The following POU6F2 variants were observed in gnomAD, a reference collection of about 807,000 sequenced individuals.
POU6F2 encodes POU domain, class 6, transcription factor 2.
Under a neutral mutation model 71.3 loss-of-function variants are expected in POU6F2, and 31 were observed. That is an observed-to-expected ratio of 0.43 (90% CI 0.33 to 0.59). The LOEUF (loss-of-function observed/expected upper bound fraction) is 0.59. Ranked by LOEUF, POU6F2 falls within the 20% of genes least tolerant of loss-of-function variation. POU6F2 has a pLI of 0.04. For missense variants in POU6F2, 783 were observed against 856.8 expected (o/e 0.91, Z 1.07); for synonymous variants, 347 against 355.7 (o/e 0.98, Z 0.27).
intron 1 of POU6F2, among the ~76,000 whole-genome samples, chr7:39,065,468 G>T (rs982115926): frequency 6.6e-6 from 1 of 151,472 alleles, no homozygotes; most frequent in Non-Finnish European, 1.5e-5. Flanking sequence ...AAGACATTGG[G>T]TAGAAAGATA....
At chr7:39,415,754 A>G (rs932108107) in intron 6 of POU6F2, among the ~76,000 whole-genome samples, 6 of 152,226 alleles carry the variant, frequency 3.9e-5, no homozygotes, top group Non-Finnish European at 7.3e-5. Context: ...TCTCCCATGC[A>G]TTAAGCCTTC....
intron 1 of POU6F2, among the ~76,000 whole-genome samples, chr7:39,016,048 T>C (rs370979932): frequency 2.0e-5 from 1 of 49,078 alleles, no homozygotes; most frequent in Non-Finnish European, 3.9e-5. Context: ...TATTATATAT[T>C]ATATATATTA....
At chr7:38,992,675 C>G (rs141954692) in intron 1 of POU6F2, among the ~76,000 whole-genome samples, 274 of 151,814 alleles carry the variant, frequency 1.8e-3, no homozygotes, top group African/African-American at 6.4e-3. Context: ...TCATTGTCTT[C>G]AGGGATTTCA....
chr7:39,065,074 A>G (rs1202796207), intron 1 of POU6F2, among the ~76,000 whole-genome samples: 1 of 151,870 alleles, frequency 6.6e-6, no homozygotes, highest in Non-Finnish European at 1.5e-5. Flanking sequence ...TTTAATTTAT[A>G]TATTAGGCTC....
chr7:39,085,381 T>TC (rs1299719325), intron 1 of POU6F2, among the ~76,000 whole-genome samples: 1 of 151,880 alleles, frequency 6.6e-6, no homozygotes, highest in Non-Finnish European at 1.5e-5. Context: ...TAATTGCTTC[T>TC]CCCCCGGGGA....
chr7:39,266,656 G>C (rs1159842144), intron 4 of POU6F2, among the ~76,000 whole-genome samples: 1 of 147,496 alleles, frequency 6.8e-6, no homozygotes, highest in Non-Finnish European at 1.5e-5. Flanking sequence ...TCAGCCTCTT[G>C]AGTTGATGAG....
intron 4 of POU6F2, among the ~76,000 whole-genome samples, chr7:39,332,144 G>A (rs995054664): frequency 2.0e-5 from 3 of 152,170 alleles, no homozygotes; most frequent in Non-Finnish European, 4.4e-5. Context: ...TTTGGATTGT[G>A]ACTTTCCCTG....
At chr7:39,411,621 C>T (rs548824472) in intron 6 of POU6F2, among the ~76,000 whole-genome samples, 11 of 152,298 alleles carry the variant, frequency 7.2e-5, no homozygotes, top group African/African-American at 2.6e-4. Flanking sequence ...TACTCAAGAA[C>T]GCACATACAT....
chr7:39,004,425 T>C (rs1788998580), intron 1 of POU6F2, among the ~76,000 whole-genome samples: 1 of 152,240 alleles, frequency 6.6e-6, no homozygotes, highest in South Asian at 2.1e-4. Context: ...TTCCTTGCAT[T>C]CTGGACATTT....
intron 4 of POU6F2, among the ~76,000 whole-genome samples, chr7:39,308,547 T>C (rs752517831): frequency 2.6e-5 from 4 of 152,208 alleles, no homozygotes; most frequent in African/African-American, 4.8e-5. Context: ...GAGTAAGAAT[T>C]GAGCTCATGT....
At chr7:39,327,812 G>A (rs575706197) in intron 4 of POU6F2, among the ~76,000 whole-genome samples, 160 of 149,804 alleles carry the variant, frequency 1.1e-3, no homozygotes, top group Non-Finnish European at 1.8e-3. Context: ...GGACCCCCCC[G>A]CCAATAATAT....
At chr7:39,070,058 G>A (rs1180945911) in intron 1 of POU6F2, among the ~76,000 whole-genome samples, 3 of 152,152 alleles carry the variant, frequency 2.0e-5, no homozygotes, top group Admixed American at 6.6e-5. Flanking sequence ...CTGGCCACAC[G>A]TGCCCAGGGA....
In POU6F2 at chr7:39,128,058, G is replaced by A. The variant is rs183972133; in HGVS notation, c.277+42027G>A. On this transcript the variant is annotated intron_variant, in intron 2 of 9. Transcript: ENST00000518318. ...GGGTTTCACCGTGTTAGCCAGGATG[G>A]TCTCGATCCCCTGACCTCGTGATCC... Among the ~76,000 whole-genome samples, 4 of 151,752 alleles carry A rather than the reference G, an allele frequency of 2.6e-5. No homozygotes were observed. In the East Asian group the frequency reaches 7.8e-4, roughly 30 times the overall value.
In POU6F2 at chr7:39,340,021, C is replaced by T. The variant is rs925326495; in HGVS notation, c.972+6C>T. 5.0e-6 allele frequency: 8 copies of T among 1,593,444 alleles called. No homozygotes were observed. Among genetic ancestry groups the T allele is most frequent in the Admixed American group, 1.7e-5 (1 of 59,198 alleles). On this transcript the variant is annotated splice_donor_region_variant and intron_variant, in intron 5 of 9. Transcript: ENST00000518318. ...CGCCACCCAATCCTCTACAGGTATG[C>T]TCCCCGTGCTTCCCGTCTGCCCCTA...
intron 4 of POU6F2, among the ~76,000 whole-genome samples, chr7:39,336,058 G>A (rs1035867833): frequency 6.6e-6 from 1 of 152,212 alleles, no homozygotes; most frequent in Non-Finnish European, 1.5e-5. Flanking sequence ...GCTTCCCAGG[G>A]CAATGTAACT....
intron 1 of POU6F2, among the ~76,000 whole-genome samples, chr7:38,989,034 A>G (rs1228026754): frequency 6.6e-6 from 1 of 152,036 alleles, no homozygotes; most frequent in Non-Finnish European, 1.5e-5. Context: ...ATCCTTTTGT[A>G]AAATGTAAAA....
At chr7:39,071,111 T>A (rs1258837103) in intron 1 of POU6F2, among the ~76,000 whole-genome samples, 1 of 152,166 alleles carries the variant, frequency 6.6e-6, no homozygotes, top group East Asian at 1.9e-4. Flanking sequence ...ATGAAATAAT[T>A]ATATAACTCA....
At chr7:39,085,767 A>G in intron 1 of POU6F2, 93 bp from the exon 2 acceptor site, 1 of 1,237,782 alleles carries the variant, frequency 8.1e-7, no homozygotes, top group South Asian at 1.3e-5. Context: ...TGGAAGAGAG[A>G]GAGAGAAGAG....
intron 6 of POU6F2, among the ~76,000 whole-genome samples, chr7:39,409,704 G>T (rs569104626): frequency 2.6e-5 from 4 of 152,012 alleles, no homozygotes; most frequent in Non-Finnish European, 4.4e-5. Flanking sequence ...TCCACCCCAC[G>T]TGGGGAGACA....
Sources: gnomAD v4.1 joint callset for allele counts (sites outside exome capture counted in the v4.1 genomes callset) on GRCh38, gnomAD v4.1.1 for gene constraint, MANE v1.5 for transcripts, NCBI Gene and HGNC (gene_info 2026-07-23, HGNC 2026-07-21) for gene names.